TMTC2: variants seen among roughly 807,000 people sequenced by gnomAD.
TMTC2 encodes the protein protein O-mannosyl-transferase TMTC2.
In TMTC2, 43 loss-of-function variants were observed where a neutral mutation model predicts 82.4. That is an observed-to-expected ratio of 0.52 (90% CI 0.41 to 0.67). The LOEUF (loss-of-function observed/expected upper bound fraction) is 0.67, where lower values mean the gene tolerates loss of function less well. Among genes scored for constraint, TMTC2 ranks in the 30% least tolerant of loss-of-function variants. TMTC2 has a pLI of 0.00. For synonymous variants in TMTC2, 408 were observed against 381.9 expected (o/e 1.07, Z -0.80); for missense variants, 919 against 1,012.4 (o/e 0.91, Z 1.25).
At chr12:83,109,001 C>T (rs571383394) in intron 11 of TMTC2, among the ~76,000 whole-genome samples, 29 of 152,230 alleles carry the variant, frequency 1.9e-4, no homozygotes, top group Non-Finnish European at 2.9e-4. Flanking sequence ...TTTGTTCTCC[C>T]TAAAAGGCCA....
At chr12:82,984,912 T>C (rs1272019945) in intron 7 of TMTC2, among the ~76,000 whole-genome samples, 3 of 152,098 alleles carry the variant, frequency 2.0e-5, no homozygotes, top group African/African-American at 4.8e-5. Context: ...ATTAGAGTAA[T>C]GACTCGTGGC....
intron 1 of TMTC2, among the ~76,000 whole-genome samples, chr12:82,708,301 A>G (rs761810833): frequency 3.7e-4 from 57 of 152,220 alleles, no homozygotes; most frequent in Non-Finnish European, 7.2e-4. Flanking sequence ...TTCTCCGACC[A>G]CAGTTGAGAA....
Position 82,716,992 on chromosome 12 carries a change from T to TA in TMTC2, c.83+29328dup, listed in dbSNP as rs1873933807. ...TGGTCCTGTAGAAATAAAACAGAAATAAAAACCTCCACATGTAAAGCATCA... is the reference window on the plus strand; with the variant it reads ...TGGTCCTGTAGAAATAAAACAGAAATAAAAAACCTCCACATGTAAAGCATCA... On this transcript the variant is annotated intron_variant, in intron 1 of 11. Transcript: ENST00000321196. 3.9e-5 allele frequency among the ~76,000 whole-genome samples: 6 copies of TA among 152,132 alleles called. No homozygotes were observed. The South Asian group carries it at 1.2e-3, about 32-fold the overall frequency.
chr12:83,104,397 G>C (rs1414658299), intron 11 of TMTC2, among the ~76,000 whole-genome samples: 2 of 152,148 alleles, frequency 1.3e-5, no homozygotes, highest in African/African-American at 4.8e-5. Context: ...GCTTCTCTCT[G>C]GGCACCCAGG....
rs1253413999 is a variant in TMTC2, at chr12:82,965,051, G to A, written c.1626G>A (p.Arg542=). Residue 542 remains arginine, a synonymous_variant, in exon 5 of 12, where the codon AGG becomes AGA. Transcript: ENST00000321196. ...GGCTACTTCTCCAGGAGAACAGCAGGTTTGCAGAAGCACTACATTATTATA... is the reference window on the plus strand; with the variant it reads ...GGCTACTTCTCCAGGAGAACAGCAGATTTGCAGAAGCACTACATTATTATA... ...NLGLLLQENS[R]FAEALHYYKL... 6.2e-7 allele frequency: 1 copy of A among 1,612,392 alleles called. No homozygotes were observed.
At chr12:83,047,816 A>G (rs1882198596) in intron 9 of TMTC2, among the ~76,000 whole-genome samples, 1 of 152,232 alleles carries the variant, frequency 6.6e-6, no homozygotes, top group Admixed American at 6.5e-5. Context: ...AATATTACTA[A>G]ATGATGATAA....
intron 11 of TMTC2, among the ~76,000 whole-genome samples, chr12:83,119,668 G>A (rs1051710081): frequency 1.3e-5 from 2 of 152,132 alleles, no homozygotes; most frequent in Non-Finnish European, 2.9e-5. Flanking sequence ...ATTTCTTCCA[G>A]GGTATAGTTT....
intron 1 of TMTC2, among the ~76,000 whole-genome samples, chr12:82,804,699 C>T (rs1004391855): frequency 4.6e-5 from 7 of 151,882 alleles, no homozygotes; most frequent in Non-Finnish European, 8.8e-5. Context: ...TAACTTTTTC[C>T]GGTATTGAAT....
chr12:83,021,966 T>G (rs1377761098), intron 8 of TMTC2: 1 of 152,040 alleles, frequency 6.6e-6, no homozygotes, highest in African/African-American at 2.4e-5. Context: ...GGACGTCACA[T>G]AAATTCATGA....
chr12:83,119,374 A>C (rs949416576), intron 11 of TMTC2, among the ~76,000 whole-genome samples: 2 of 152,050 alleles, frequency 1.3e-5, no homozygotes, highest in African/African-American at 4.8e-5. Flanking sequence ...AGAATTTTTA[A>C]ATTTTTATCT....
intron 3 of TMTC2, among the ~76,000 whole-genome samples, chr12:82,923,506 A>ATT: frequency 6.7e-6 from 1 of 150,064 alleles, no homozygotes; most frequent in African/African-American, 2.4e-5. Context: ...AAATCCATTA[A>ATT]TTTTTTTTTT....
rs74479124 is a variant in TMTC2 at position 83,071,347 on chromosome 12, C to T, written c.2331+9516C>T. 9.0e-3 allele frequency among the ~76,000 whole-genome samples: 1,360 copies of T among 151,640 alleles called. 130 individuals are homozygous for T. The East Asian group carries it at 0.21, about 24-fold the overall frequency. ...TTTTTTTTGTATTTTTTAGTGGAGA[C>T]GGGGTTTCACTGTTTTAGCCAGGAT... On this transcript the variant is annotated intron_variant, in intron 11 of 11. Coordinates refer to ENST00000321196, the MANE Select transcript of TMTC2 (RefSeq NM_152588.3).
At chr12:83,095,570 G>A (rs1223481725) in intron 11 of TMTC2, among the ~76,000 whole-genome samples, 2 of 152,096 alleles carry the variant, frequency 1.3e-5, no homozygotes, top group East Asian at 1.9e-4. Context: ...CTTTCAGAAG[G>A]ATAGAGTTGC....
chr12:82,803,157 G>T (rs898785589), intron 1 of TMTC2, among the ~76,000 whole-genome samples: 1 of 152,132 alleles, frequency 6.6e-6, no homozygotes, highest in Non-Finnish European at 1.5e-5. Context: ...TCCTTAAGTG[G>T]CCAGTATGAT....
At chr12:82,874,956 C>T (rs536663753) in intron 2 of TMTC2, among the ~76,000 whole-genome samples, 89 of 152,020 alleles carry the variant, frequency 5.9e-4, no homozygotes, top group Non-Finnish European at 1.1e-3. Flanking sequence ...AAAAAAAAAT[C>T]GTTAAGTGCC....
At chr12:82,987,601 A>G (rs976204956) in intron 8 of TMTC2, among the ~76,000 whole-genome samples, 4 of 152,144 alleles carry the variant, frequency 2.6e-5, no homozygotes, top group Non-Finnish European at 2.9e-5. Context: ...GTGGTAACTG[A>G]ATACCAGAGC....
intron 8 of TMTC2, among the ~76,000 whole-genome samples, chr12:82,994,424 G>A (rs574457183): frequency 2.2e-4 from 33 of 148,606 alleles, no homozygotes; most frequent in Non-Finnish European, 1.2e-4. Context: ...ATGAGCTACC[G>A]TGCCCGTCTC....
chr12:82,733,538 T>C (rs1237600161), intron 1 of TMTC2, among the ~76,000 whole-genome samples: 1 of 152,170 alleles, frequency 6.6e-6, no homozygotes, highest in Non-Finnish European at 1.5e-5. Context: ...ACAGGCAGTC[T>C]AGATGATTAA....
At chr12:82,830,792 A>G (rs1869705557) in intron 1 of TMTC2, among the ~76,000 whole-genome samples, 1 of 152,228 alleles carries the variant, frequency 6.6e-6, no homozygotes, top group South Asian at 2.1e-4. Context: ...TAAATCTTAG[A>G]AACCTATTGA....
Sources: gnomAD v4.1 joint callset for allele counts (sites outside exome capture counted in the v4.1 genomes callset) on GRCh38, gnomAD v4.1.1 for gene constraint, MANE v1.5 for transcripts, NCBI Gene and HGNC (gene_info 2026-07-23, HGNC 2026-07-21) for gene names.